FNDC3A: variants seen among roughly 807,000 people sequenced by gnomAD.
FNDC3A encodes the protein fibronectin type III domain containing 3A, also known as fibronectin type-III domain-containing protein 3A.
Under a neutral mutation model 148.9 loss-of-function variants are expected in FNDC3A, and 32 were observed. The observed-to-expected ratio is 0.21, with a 90% CI of 0.16 to 0.29. The LOEUF (loss-of-function observed/expected upper bound fraction) is 0.29. FNDC3A is among the 10% of genes least tolerant of loss of function. The probability of loss-of-function intolerance (pLI) is 1.00; values close to 1 mark genes in which losing one functional copy is unlikely to be tolerated. For missense variants in FNDC3A, 1,191 were observed against 1,452.8 expected (o/e 0.82, Z 2.93); for synonymous variants, 472 against 473.6 (o/e 1.00, Z 0.04).
At chr13:49,117,780 A>G (rs1276840732) in intron 4 of FNDC3A, among the ~76,000 whole-genome samples, 1 of 152,210 alleles carries the variant, frequency 6.6e-6, no homozygotes, top group African/African-American at 2.4e-5. Context: ...ACCGTTTTAT[A>G]TCAGAGGCTT....
At chr13:49,061,008 C>A (rs1241702054) in intron 2 of FNDC3A, among the ~76,000 whole-genome samples, 1 of 151,694 alleles carries the variant, frequency 6.6e-6, no homozygotes, top group African/African-American at 2.4e-5. Flanking sequence ...AATTTCACTT[C>A]AATAAAAATG....
intron 11 of FNDC3A, among the ~76,000 whole-genome samples, chr13:49,172,795 G>A (rs562242116): frequency 6.6e-6 from 1 of 152,248 alleles, no homozygotes; most frequent in South Asian, 2.1e-4. Flanking sequence ...TCAGGGGATT[G>A]GGACCTGGAT....
chr13:49,039,573 C>A (rs1308915586), intron 2 of FNDC3A, among the ~76,000 whole-genome samples: 2 of 152,060 alleles, frequency 1.3e-5, no homozygotes, highest in Non-Finnish European at 2.9e-5. Context: ...TCTTTTTTAT[C>A]GTTTATTAAG....
chr13:49,025,584 A>G (rs1873647709), intron 2 of FNDC3A, among the ~76,000 whole-genome samples: 1 of 152,124 alleles, frequency 6.6e-6, no homozygotes, highest in Non-Finnish European at 1.5e-5. Context: ...TAACTGATAC[A>G]CTAATGAGTG....
intron 2 of FNDC3A, among the ~76,000 whole-genome samples, chr13:49,010,442 A>T (rs1431316048): frequency 6.6e-6 from 1 of 152,154 alleles, no homozygotes; most frequent in Non-Finnish European, 1.5e-5. Context: ...CTCCCCAGCA[A>T]GTGAGGCCAC....
At chr13:48,996,536 A>G (rs971406745) in intron 1 of FNDC3A, among the ~76,000 whole-genome samples, 4 of 152,210 alleles carry the variant, frequency 2.6e-5, no homozygotes, top group African/African-American at 9.6e-5. Flanking sequence ...TAAGTCATAC[A>G]GAGATGATTT....
chr13:49,153,343 T>G (rs1883442052), intron 8 of FNDC3A, among the ~76,000 whole-genome samples: 1 of 152,206 alleles, frequency 6.6e-6, no homozygotes, highest in Non-Finnish European at 1.5e-5. Flanking sequence ...GTTCATGTCC[T>G]TCGCCCACTT....
At chr13:49,110,210 T>TC in intron 3 of FNDC3A, 1 of 575,940 alleles carries the variant, frequency 1.7e-6, no homozygotes, top group Non-Finnish European at 2.8e-6. Flanking sequence ...GTTTGCTTTT[T>TC]TTTCCCCCTT....
At chr13:49,013,613 T>C (rs954971266) in intron 2 of FNDC3A, among the ~76,000 whole-genome samples, 21 of 151,570 alleles carry the variant, frequency 1.4e-4, no homozygotes, top group Admixed American at 3.9e-4. Context: ...CGTGTATACA[T>C]GTGTACACGT....
At chr13:49,064,293 A>G (rs1050608580) in intron 2 of FNDC3A, among the ~76,000 whole-genome samples, 2 of 151,992 alleles carry the variant, frequency 1.3e-5, no homozygotes, top group African/African-American at 2.4e-5. Context: ...GTGAGCCAAG[A>G]TCGTGCCATT....
chr13:49,006,006 GA>G (rs892242635), intron 1 of FNDC3A, 145 bp from the exon 2 acceptor site: 31 of 397,368 alleles, frequency 7.8e-5, no homozygotes, highest in East Asian at 2.3e-4. Flanking sequence ...TTATTGATTG[GA>G]AAAAAAAGCA....
At position 49,197,887 on chromosome 13, in the gene FNDC3A, A is replaced by C. The variant is rs990293464; in HGVS notation, c.2490+13A>C. ...TTGCAGGGTCCAGGTAAAGATGATC[A>C]GTACCTTGTCACTTAACTCTATCCA... is the stretch of plus-strand genomic sequence containing the variant. On this transcript the variant is annotated intron_variant, in intron 21 of 25. Coordinates refer to ENST00000492622, the MANE Select transcript of FNDC3A (RefSeq NM_001079673.2). 3.8e-6 allele frequency: 6 copies of C among 1,595,648 alleles called. No homozygotes were observed. In the African/African-American group the frequency reaches 8.2e-5, roughly 22 times the overall value.
chr13:49,114,809 T>TA (rs912917226), intron 4 of FNDC3A, 78 bp downstream of exon 4: 23 of 1,023,408 alleles, frequency 2.2e-5, no homozygotes, highest in Admixed American at 1.0e-4. Flanking sequence ...GATTTTGATT[T>TA]AAAAAAACCA....
chr13:49,026,416 T>C (rs1221798856), intron 2 of FNDC3A, among the ~76,000 whole-genome samples: 1 of 152,276 alleles, frequency 6.6e-6, no homozygotes, highest in South Asian at 2.1e-4. Flanking sequence ...TACTTTTCTG[T>C]ATGTTTAAAA....
intron 1 of FNDC3A, among the ~76,000 whole-genome samples, chr13:48,996,799 C>G (rs1188645141): frequency 6.6e-6 from 1 of 152,166 alleles, no homozygotes; most frequent in East Asian, 1.9e-4. Flanking sequence ...TGGTGGCTCA[C>G]ACCTGTAATC....
chr13:49,015,296 C>T (rs140972368), intron 2 of FNDC3A, among the ~76,000 whole-genome samples: 2,840 of 152,250 alleles, frequency 0.019, 91 homozygotes, highest in African/African-American at 0.063. Flanking sequence ...TTGTAGTTCT[C>T]CTTGAAGAGG....
intron 3 of FNDC3A, among the ~76,000 whole-genome samples, chr13:49,088,949 TGTGTGATTCCACTTAC>T (rs752657734): frequency 3.4e-4 from 51 of 152,210 alleles, no homozygotes; most frequent in Non-Finnish European, 7.1e-4. Flanking sequence ...AGATAAATAT[TGTGTGATTCCACTTAC>T]GTGAGGTATC....
intron 2 of FNDC3A, among the ~76,000 whole-genome samples, chr13:49,013,468 ATGTACACGTGTATACATG>A (rs1263432692): frequency 6.6e-6 from 1 of 151,928 alleles, no homozygotes; most frequent in Non-Finnish European, 1.5e-5. Context: ...GTGTATACAT[ATGTACACGTGTATACATG>A]TATATACATG....
intron 2 of FNDC3A, among the ~76,000 whole-genome samples, chr13:49,019,594 G>C (rs1325318986): frequency 6.6e-6 from 1 of 152,210 alleles, no homozygotes; most frequent in Non-Finnish European, 1.5e-5. Context: ...CTGTAGACCG[G>C]AGCTGTTCCT....
Sources: allele counts gnomAD v4.1 joint callset (sites outside exome capture counted in the v4.1 genomes callset), GRCh38; gene constraint gnomAD v4.1.1; transcripts MANE v1.5; gene names NCBI Gene and HGNC (gene_info 2026-07-23, HGNC 2026-07-21).